COL17A1: variants seen among roughly 807,000 people sequenced by gnomAD.
COL17A1 encodes collagen alpha-1(XVII) chain.
Under a neutral mutation model 218.4 loss-of-function variants are expected in COL17A1, and 181 were observed. The ratio of observed to expected loss-of-function variants is 0.83; its 90% confidence interval spans 0.73 to 0.94. COL17A1 has a LOEUF of 0.94. Ranked by LOEUF, COL17A1 falls within the 40% of genes least tolerant of loss-of-function variation. COL17A1 has a pLI of 0.00. For missense variants in COL17A1, 1,924 were observed against 1,945.9 expected, an observed-to-expected ratio of 0.99 and a Z score of 0.21; for synonymous variants, 721 against 731.0, an observed-to-expected ratio of 0.99 and a Z score of 0.22.
intron 18 of COL17A1, 59 bp downstream of exon 18, chr10:104,055,723 T>C (rs955582423): frequency 1.2e-6 from 2 of 1,603,452 alleles, no homozygotes; most frequent in Non-Finnish European, 8.5e-7. Flanking sequence ...ACATACCACA[T>C]AGATGCAAAG....
chr10:104,063,970 T>C, intron 10 of COL17A1, 152 bp from the exon 11 acceptor site: 1 of 1,104,586 alleles, frequency 9.1e-7, no homozygotes, highest in Non-Finnish European at 1.3e-6. Context: ...GCTCTTGCCT[T>C]GCAGCAGAGA....
At chr10:104,036,780 G>A (rs892921277) in intron 47 of COL17A1, 148 bp from the exon 48 acceptor site, 27 of 1,032,562 alleles carry the variant, frequency 2.6e-5, no homozygotes, top group Middle Eastern at 3.0e-4. Flanking sequence ...TGTTCAGGGG[G>A]GACACCAGCA....
rs763917896 is a variant in COL17A1 at position 104,063,765 on chromosome 10, G to A, written c.820C>T (p.Leu274Phe). 1.2e-5 allele frequency: 20 copies of A among 1,614,096 alleles called. No homozygotes were observed. The Admixed American group carries it at 3.2e-4, about 26-fold the overall frequency. ...ASCSPTLHPG[L>F]STSSSVFGMQ... ...CACTGACCTGAGGAGGATGTGCTGAGTCCAGGGTGCAAAGTGGGTGAGCAG... is the reference window on the plus strand; with the variant it reads ...CACTGACCTGAGGAGGATGTGCTGAATCCAGGGTGCAAAGTGGGTGAGCAG... Residue 274 changes from leucine (L) to phenylalanine (F), a missense_variant, in exon 11 of 56, where the codon CTC (leucine) becomes TTC (phenylalanine). Physicochemically the swap from Leu to Phe is conservative, Grantham distance 22. Transcript: ENST00000648076.
intron 8 of COL17A1, among the ~76,000 whole-genome samples, chr10:104,070,948 TG>T (rs2086664725): frequency 6.6e-6 from 1 of 152,194 alleles, no homozygotes; most frequent in Non-Finnish European, 1.5e-5. Context: ...TCTCATCCCC[TG>T]CACAGGATGC....
At chr10:104,058,999 G>A (rs1020371895) in intron 15 of COL17A1, among the ~76,000 whole-genome samples, 3 of 151,922 alleles carry the variant, frequency 2.0e-5, no homozygotes, top group East Asian at 1.9e-4. Flanking sequence ...GAATTTACTC[G>A]GCAATTTGTT....
intron 3 of COL17A1, among the ~76,000 whole-genome samples, 188 bp downstream of exon 3, chr10:104,078,354 T>C (rs1187953426): frequency 3.3e-5 from 5 of 152,168 alleles, no homozygotes; most frequent in Non-Finnish European, 7.4e-5. Flanking sequence ...CTGCATAACT[T>C]GGTAAATATA....
At chr10:104,071,935 TGCATGCACACACACAC>T (rs1324371196) in intron 8 of COL17A1, 81 bp downstream of exon 8, 6 of 1,565,666 alleles carry the variant, frequency 3.8e-6, no homozygotes, top group Non-Finnish European at 4.4e-6. Context: ...TGTGTGTGCA[TGCATGCACACACACAC>T]GCATGCACAC....
chr10:104,082,629 G>A (rs2134667289), intron 1 of COL17A1, among the ~76,000 whole-genome samples: 1 of 152,308 alleles, frequency 6.6e-6, no homozygotes, highest in East Asian at 1.9e-4. Context: ...ATCTTTCAGT[G>A]AAAGTTGCTG....
At chr10:104,072,115 A>T in intron 7 of COL17A1, 36 bp from the exon 8 acceptor site, 1 of 1,613,774 alleles carries the variant, frequency 6.2e-7, no homozygotes, top group African/African-American at 1.3e-5. Context: ...GGTGTGAATG[A>T]AGGAGCTTAG....
chr10:104,061,088 T>C (rs537230782), intron 13 of COL17A1, among the ~76,000 whole-genome samples: 2 of 152,298 alleles, frequency 1.3e-5, no homozygotes, highest in South Asian at 4.1e-4. Context: ...GAGCTGCATG[T>C]AACAGGTGAA....
At chr10:104,059,482 G>C in intron 15 of COL17A1, 156 bp downstream of exon 15, 1 of 718,996 alleles carries the variant, frequency 1.4e-6, no homozygotes, top group Non-Finnish European at 2.5e-6. Context: ...GCAGATCTGA[G>C]CTAGGGCTGG....
chr10:104,032,070 TA>T lies in COL17A1; in HGVS notation c.*164del. Reference sequence around the variant, plus strand: ...AGATTGTGTATCTTTGACTGAATTCTATAAGTATATATTGTTCAGACTAAAA... The same window carrying T: ...AGATTGTGTATCTTTGACTGAATTCTTAAGTATATATTGTTCAGACTAAAA... On this transcript the variant is annotated 3_prime_UTR_variant, in exon 56 of 56. Transcript: ENST00000648076. 1 of 652,084 alleles carries T rather than the reference TA, an allele frequency of 1.5e-6. No individual in the cohort carries two copies. The highest frequency in any genetic ancestry group is 2.8e-6 in the Non-Finnish European group (1 of 360,626). 40.4% of individuals were successfully genotyped at this position (652,084 alleles called of 1,614,324 possible).
rs754608723 is a variant in COL17A1, at chr10:104,034,058, C to G, written c.4043G>C (p.Gly1348Ala). ...GTDIGPGGGY[G>A]AAAEGGMYAG... ...ATACATGCCGCCTTCTGCTGCTGCC[C>G]CATAGCCTCCGCCTGGGCCGATGTC... Residue 1348 changes from glycine (G) to alanine (A), a missense_variant, in exon 52 of 56, where the codon GGG (glycine) becomes GCG (alanine). Physicochemically the swap from Gly to Ala is moderately conservative, Grantham distance 60 (BLOSUM62 0). Transcript: ENST00000648076. 1 of 1,614,160 alleles carries G rather than the reference C, an allele frequency of 6.2e-7. No individual in the cohort carries two copies. The highest frequency in any genetic ancestry group is 8.5e-7 in the Non-Finnish European group (1 of 1,180,042).
chr10:104,039,887 T>C, intron 41 of COL17A1, 86 bp downstream of exon 41: 1 of 1,574,892 alleles, frequency 6.3e-7, no homozygotes, highest in South Asian at 1.1e-5. Flanking sequence ...CAGGTGCCTT[T>C]CTATCAAGCT....
At position 104,037,624 on chromosome 10, in the gene COL17A1, G is replaced by T; in HGVS notation, c.3208+12C>A. ...GGAAGGTGCCAGGTGCAGGGCGTGGGGAAGGGCTTACTCCGTAAGTAGCTC... is the reference window on the plus strand; with the variant it reads ...GGAAGGTGCCAGGTGCAGGGCGTGGTGAAGGGCTTACTCCGTAAGTAGCTC... On this transcript the variant is annotated intron_variant, in intron 46 of 55. Coordinates refer to ENST00000648076, the MANE Select transcript of COL17A1 (RefSeq NM_000494.4). 1 of 1,614,100 alleles carries T rather than the reference G, an allele frequency of 6.2e-7. No individual in the cohort carries two copies.
intron 39 of COL17A1, 101 bp downstream of exon 39, chr10:104,040,964 A>T: frequency 7.9e-7 from 1 of 1,258,288 alleles, no homozygotes; most frequent in Non-Finnish European, 1.2e-6. Context: ...CAGGAGCAGG[A>T]AGCCTGGTGA....
At chr10:104,052,961 G>T in intron 23 of COL17A1, 70 bp downstream of exon 23, 2 of 1,538,738 alleles carry the variant, frequency 1.3e-6, no homozygotes, top group Non-Finnish European at 1.8e-6. Flanking sequence ...AGTGAAGGAG[G>T]GACGGGTGTT....
At chr10:104,036,682 G>C (rs535201764) in intron 47 of COL17A1, 50 bp from the exon 48 acceptor site, 48 of 1,604,338 alleles carry the variant, frequency 3.0e-5, no homozygotes, top group Non-Finnish European at 3.3e-5. Context: ...CATGGGGGTC[G>C]CAGCCATGAT....
At chr10:104,076,270 G>A in intron 5 of COL17A1, 31 bp downstream of exon 5, 1 of 1,613,398 alleles carries the variant, frequency 6.2e-7, no homozygotes, top group Non-Finnish European at 8.5e-7. Flanking sequence ...GGAAGAGAAT[G>A]GTTCTCTTGT....
Sources: allele counts gnomAD v4.1 joint callset (sites outside exome capture counted in the v4.1 genomes callset), GRCh38; gene constraint gnomAD v4.1.1; transcripts MANE v1.5; gene names NCBI Gene and HGNC (gene_info 2026-07-23, HGNC 2026-07-21).